The following DNAJC1 variants were observed in gnomAD, a reference collection of about 807,000 sequenced individuals.
DNAJC1 encodes DnaJ heat shock protein family (Hsp40) member C1, also known as dnaJ homolog subfamily C member 1.
Under a neutral mutation model 76.6 loss-of-function variants are expected in DNAJC1, and 58 were observed. That is an observed-to-expected ratio of 0.76 (90% confidence interval 0.61 to 0.94). The LOEUF is 0.94. DNAJC1 is among the 40% of genes least tolerant of loss of function. The pLI is 0.00. For synonymous variants in DNAJC1, 258 were observed against 267.9 expected, an observed-to-expected ratio of 0.96 and a Z score of 0.36; for missense variants, 689 against 677.3, an observed-to-expected ratio of 1.02 and a Z score of -0.19.
intron 9 of DNAJC1, among the ~76,000 whole-genome samples, chr10:21,798,278 T>G (rs1057145761): frequency 6.6e-6 from 1 of 152,242 alleles, no homozygotes; most frequent in Non-Finnish European, 1.5e-5. Flanking sequence ...CCTTCCTTCC[T>G]GCTTTCAAAC....
chr10:21,902,012 C>G lies in DNAJC1; in HGVS notation c.820+2510G>C, dbSNP rs375212470. Among the ~76,000 whole-genome samples the G allele has an allele frequency of 2.6e-5, 4 of 152,220 alleles. No individual in the cohort carries two copies. In the East Asian group the frequency reaches 7.7e-4, roughly 29 times the overall value. On this transcript the variant is annotated intron_variant, in intron 7 of 11. Coordinates refer to ENST00000376980, the MANE Select transcript of DNAJC1 (RefSeq NM_022365.4). Reference sequence around the variant, plus strand: ...CCATTAGAGACTATATTAAAAAATACATGACAGTCTGACATTGTTAACAGT... The same window carrying G: ...CCATTAGAGACTATATTAAAAAATAGATGACAGTCTGACATTGTTAACAGT...
chr10:21,953,281 A>G (rs1433790407), intron 1 of DNAJC1, among the ~76,000 whole-genome samples: 1 of 152,038 alleles, frequency 6.6e-6, no homozygotes, highest in Non-Finnish European at 1.5e-5. Context: ...ATTATAGTGC[A>G]ATATTGATTT....
At chr10:21,773,856 A>T (rs1298270473) in intron 9 of DNAJC1, among the ~76,000 whole-genome samples, 1 of 151,564 alleles carries the variant, frequency 6.6e-6, no homozygotes, top group African/African-American at 2.4e-5. Context: ...AAAGATGTAT[A>T]AAGGGCCGGG....
In DNAJC1 at chr10:21,902,816, T is replaced by A. The variant is rs1407921354; in HGVS notation, c.820+1706A>T. On this transcript the variant is annotated intron_variant, in intron 7 of 11. Coordinates refer to ENST00000376980, the MANE Select transcript of DNAJC1 (RefSeq NM_022365.4). ...TAACACATCTACCAAAATTATAATA[T>A]TTTTTTTAACAAAAAATTACATAGA... Among the ~76,000 whole-genome samples, 5 of 148,644 alleles carry A rather than the reference T, an allele frequency of 3.4e-5. No individual in the cohort carries two copies. In the East Asian group the frequency reaches 5.8e-4, roughly 17 times the overall value.
chr10:21,812,650 T>C (rs1834986859), intron 8 of DNAJC1, among the ~76,000 whole-genome samples: 1 of 152,050 alleles, frequency 6.6e-6, no homozygotes, highest in Non-Finnish European at 1.5e-5. Flanking sequence ...CAATGCAGCC[T>C]TGAAATCCTG....
chr10:21,799,015 A>G (rs1564790731), intron 9 of DNAJC1, among the ~76,000 whole-genome samples: 1 of 152,214 alleles, frequency 6.6e-6, no homozygotes, highest in African/African-American at 2.4e-5. Flanking sequence ...GCTAGAGAAG[A>G]AGGAGAGAAC....
At chr10:21,970,085 T>C (rs1837954313) in intron 1 of DNAJC1, among the ~76,000 whole-genome samples, 1 of 152,208 alleles carries the variant, frequency 6.6e-6, no homozygotes, top group Admixed American at 6.5e-5. Context: ...TAACAATTTA[T>C]TTGTATTAGC....
chr10:21,870,267 A>G (rs1198537264), intron 8 of DNAJC1, among the ~76,000 whole-genome samples: 2 of 152,092 alleles, frequency 1.3e-5, no homozygotes, highest in African/African-American at 2.4e-5. Context: ...GTAATAAATA[A>G]AAATTTTTTA....
chr10:21,786,248 A>C (rs1354037535), intron 9 of DNAJC1, among the ~76,000 whole-genome samples: 1 of 151,884 alleles, frequency 6.6e-6, no homozygotes, highest in Non-Finnish European at 1.5e-5. Context: ...CCTGAGTTAC[A>C]ATATGATAAA....
chr10:21,985,547 C>G (rs991832876), intron 1 of DNAJC1, among the ~76,000 whole-genome samples: 32 of 152,178 alleles, frequency 2.1e-4, no homozygotes, highest in African/African-American at 6.8e-4. Flanking sequence ...CCGTGCCCAG[C>G]CACCTGCTTT....
At chr10:21,898,982 C>T (rs1389968048) in intron 7 of DNAJC1, among the ~76,000 whole-genome samples, 1 of 152,092 alleles carries the variant, frequency 6.6e-6, no homozygotes, top group Non-Finnish European at 1.5e-5. Flanking sequence ...AACTACTTGA[C>T]CCATGGAAAA....
chr10:21,761,801 GGTCCTA>G (rs1834244189), intron 10 of DNAJC1, among the ~76,000 whole-genome samples: 1 of 151,966 alleles, frequency 6.6e-6, no homozygotes, highest in Non-Finnish European at 1.5e-5. Flanking sequence ...TAAAGTTCCA[GGTCCTA>G]GTCTTTTGTT....
chr10:21,827,461 T>C (rs188236051), intron 8 of DNAJC1, among the ~76,000 whole-genome samples: 4 of 152,308 alleles, frequency 2.6e-5, no homozygotes, highest in Admixed American at 6.5e-5. Context: ...ATTTATGCTG[T>C]TACAGTTCAG....
chr10:21,967,583 T>C (rs889327303), intron 1 of DNAJC1, among the ~76,000 whole-genome samples: 4 of 152,204 alleles, frequency 2.6e-5, no homozygotes, highest in Non-Finnish European at 5.9e-5. Context: ...TGTTTGGCTG[T>C]TCTTTAAAAG....
At chr10:21,847,564 C>T (rs1234413495) in intron 8 of DNAJC1, among the ~76,000 whole-genome samples, 3 of 152,102 alleles carry the variant, frequency 2.0e-5, no homozygotes, top group Non-Finnish European at 4.4e-5. Flanking sequence ...TTTGCAACCG[C>T]TAACCAGCCT....
At chr10:21,919,787 T>A in intron 5 of DNAJC1, 45 bp downstream of exon 5, 1 of 1,383,190 alleles carries the variant, frequency 7.2e-7, no homozygotes, top group Non-Finnish European at 1.0e-6. Context: ...TAAAGATGTA[T>A]TTTAAAACAG....
intron 8 of DNAJC1, among the ~76,000 whole-genome samples, chr10:21,812,519 T>C (rs1008182398): frequency 9.2e-5 from 14 of 152,174 alleles, no homozygotes; most frequent in African/African-American, 3.4e-4. Context: ...CAGATATAAG[T>C]ATTACCAAAT....
At position 21,922,610 on chromosome 10, in the gene DNAJC1, T is replaced by C. The variant is rs367587608; in HGVS notation, c.372-1647A>G. Among the ~76,000 whole-genome samples, 10 of 152,126 alleles carry C rather than the reference T, an allele frequency of 6.6e-5. No homozygotes were observed. In the South Asian group the frequency reaches 1.7e-3, roughly 25 times the overall value. On this transcript the variant is annotated intron_variant, in intron 3 of 11. Transcript: ENST00000376980. ...TAATATGACTTCATAAAAACTATCATTCATGTTATCAAAAATTTATGTTTA... is the reference window on the plus strand; with the variant it reads ...TAATATGACTTCATAAAAACTATCACTCATGTTATCAAAAATTTATGTTTA...
chr10:21,813,696 C>T (rs1835028643), intron 8 of DNAJC1, among the ~76,000 whole-genome samples: 1 of 152,142 alleles, frequency 6.6e-6, no homozygotes, highest in Non-Finnish European at 1.5e-5. Flanking sequence ...CCAGGGCAAA[C>T]ATTCTTATTG....
Sources: allele counts gnomAD v4.1 joint callset (sites outside exome capture counted in the v4.1 genomes callset), GRCh38; gene constraint gnomAD v4.1.1; transcripts MANE v1.5; gene names NCBI Gene and HGNC (gene_info 2026-07-23, HGNC 2026-07-21).